Variants in AFF3 observed in about 807,000 individuals in gnomAD.
The protein encoded by AFF3 is AF4/FMR2 family member 3.
In AFF3, 32 loss-of-function variants were observed where a neutral mutation model predicts 129.7. The observed-to-expected ratio is 0.25, with a 90% CI of 0.19 to 0.33. The LOEUF (loss-of-function observed/expected upper bound fraction) is 0.33. Among genes scored for constraint, AFF3 ranks in the 10% least tolerant of loss-of-function variants. The pLI is 1.00. For synonymous variants in AFF3, 644 were observed against 635.4 expected, an observed-to-expected ratio of 1.01 and a Z score of -0.20; for missense variants, 1,373 against 1,592.0, an observed-to-expected ratio of 0.86 and a Z score of 2.34.
At chr2:99,839,648 G>A (rs1388048340) in intron 7 of AFF3, among the ~76,000 whole-genome samples, 2 of 145,118 alleles carry the variant, frequency 1.4e-5, no homozygotes, top group Non-Finnish European at 3.0e-5. Flanking sequence ...GCCTCGCTCT[G>A]TCACCCAGGC....
In AFF3 at chr2:100,056,059, T is replaced by TCACACACACACA. The variant is rs747714847; in HGVS notation, c.54-47128_54-47127insTGTGTGTGTGTG. Among the ~76,000 whole-genome samples the TCACACACACACA allele has an allele frequency of 7.8e-4, 90 of 114,660 alleles. 1 individual carries two copies. Among genetic ancestry groups the TCACACACACACA allele is most frequent in the African/African-American group, 3.0e-3 (66 of 21,702 alleles). 75.2% of individuals were successfully genotyped at this position (114,660 alleles called of 152,430 possible). On this transcript the variant is annotated intron_variant, in intron 4 of 24. Transcript: ENST00000672756. ...GAACAAAAAAAAAAATCGCTGTCTC[T>TCACACACACACA]CTCTCACACACACACACACACACAC...
intron 8 of AFF3, among the ~76,000 whole-genome samples, chr2:99,835,880 G>T (rs182539245): frequency 6.6e-6 from 1 of 152,322 alleles, no homozygotes; most frequent in African/African-American, 2.4e-5. Context: ...AGCACTGGCG[G>T]TGGGAGGGAG....
intron 13 of AFF3, among the ~76,000 whole-genome samples, chr2:99,631,232 C>T (rs937553394): frequency 1.3e-4 from 20 of 152,232 alleles, no homozygotes; most frequent in Non-Finnish European, 1.6e-4. Flanking sequence ...CTGGACTTCT[C>T]TCCACAGGTG....
intron 7 of AFF3, among the ~76,000 whole-genome samples, chr2:99,923,406 G>A (rs534277783): frequency 8.5e-5 from 13 of 152,134 alleles, no homozygotes; most frequent in East Asian, 1.9e-4. Context: ...CAAGTAGCTC[G>A]AAAGAAAAAG....
At chr2:99,778,637 T>G (rs1448150297) in intron 8 of AFF3, among the ~76,000 whole-genome samples, 1 of 151,888 alleles carries the variant, frequency 6.6e-6, no homozygotes. Flanking sequence ...TTTTTCTACT[T>G]TTTTAAGTTT....
Position 99,546,986 on chromosome 2 carries a change from A to G in AFF3, c.*4488T>C, listed in dbSNP as rs1191060062. On this transcript the variant is annotated 3_prime_UTR_variant, in exon 25 of 25. Coordinates refer to ENST00000672756, the MANE Select transcript of AFF3 (RefSeq NM_001386135.1). ...TGTGCGCGCGTGTGTGCGTATGTGT[A>G]TGTATCAGGAAATAGCAAAGACAAA... 3 of 220,854 alleles carry G rather than the reference A, an allele frequency of 1.4e-5. No homozygotes were observed. The highest frequency in any genetic ancestry group is 2.2e-5 in the African/African-American group (1 of 44,612). 13.7% of individuals were successfully genotyped at this position (220,854 alleles called of 1,614,324 possible).
intron 7 of AFF3, among the ~76,000 whole-genome samples, chr2:99,876,465 T>C (rs543808525): frequency 6.6e-6 from 1 of 152,250 alleles, no homozygotes; most frequent in Admixed American, 6.5e-5. Context: ...CTCCAAAAGA[T>C]ATCACACATC....
intron 4 of AFF3, among the ~76,000 whole-genome samples, chr2:100,075,645 T>C (rs1471234362): frequency 6.6e-6 from 1 of 152,222 alleles, no homozygotes; most frequent in Non-Finnish European, 1.5e-5. Context: ...GAAATAATTA[T>C]GGAAATTTCA....
intron 4 of AFF3, among the ~76,000 whole-genome samples, chr2:100,031,355 T>C (rs1684474944): frequency 6.6e-6 from 1 of 152,184 alleles, no homozygotes; most frequent in African/African-American, 2.4e-5. Flanking sequence ...ATGTGATAAA[T>C]GGATTAGAGC....
chr2:99,792,517 TCAAA>T (rs1159487742), intron 8 of AFF3, among the ~76,000 whole-genome samples: 2 of 151,568 alleles, frequency 1.3e-5, no homozygotes, highest in East Asian at 1.9e-4. Flanking sequence ...CAACAAAAAC[TCAAA>T]CAAAATGAAA....
intron 19 of AFF3, among the ~76,000 whole-genome samples, chr2:99,566,848 A>C (rs1174029271): frequency 6.6e-6 from 1 of 152,210 alleles, no homozygotes; most frequent in Non-Finnish European, 1.5e-5. Flanking sequence ...TACAAAAAAA[A>C]CTTCATTAGT....
At chr2:99,811,675 C>A (rs1215298154) in intron 8 of AFF3, among the ~76,000 whole-genome samples, 1 of 152,198 alleles carries the variant, frequency 6.6e-6, no homozygotes, top group Non-Finnish European at 1.5e-5. Context: ...TCCATTAATT[C>A]AGTCTTATCC....
intron 13 of AFF3, among the ~76,000 whole-genome samples, chr2:99,612,474 T>C (rs1315909265): frequency 6.6e-6 from 1 of 152,206 alleles, no homozygotes; most frequent in African/African-American, 2.4e-5. Context: ...CACAGCCTCG[T>C]GAGAAAAATG....
intron 2 of AFF3, among the ~76,000 whole-genome samples, chr2:100,124,285 C>A (rs893255786): frequency 6.6e-6 from 1 of 152,134 alleles, no homozygotes; most frequent in African/African-American, 2.4e-5. Context: ...GGACAAAATT[C>A]TTCAGACTTA....
intron 7 of AFF3, among the ~76,000 whole-genome samples, chr2:99,916,370 A>G (rs1381299360): frequency 6.6e-6 from 1 of 152,186 alleles, no homozygotes; most frequent in Non-Finnish European, 1.5e-5. Flanking sequence ...TTACAAAGTT[A>G]CGCATTTTTT....
chr2:99,849,359 A>T (rs1416749558), intron 7 of AFF3, among the ~76,000 whole-genome samples: 1 of 152,196 alleles, frequency 6.6e-6, no homozygotes, highest in Non-Finnish European at 1.5e-5. Context: ...CTAAGATAGG[A>T]TCCTCAAATT....
chr2:99,609,710 TAC>T (rs1450290097), intron 13 of AFF3, among the ~76,000 whole-genome samples: 1 of 152,216 alleles, frequency 6.6e-6, no homozygotes, highest in African/African-American at 2.4e-5. Flanking sequence ...AGAAAAATAG[TAC>T]AGAGATCGTT....
intron 7 of AFF3, among the ~76,000 whole-genome samples, chr2:99,875,563 C>G (rs1437425081): frequency 6.6e-6 from 1 of 152,198 alleles, no homozygotes; most frequent in Non-Finnish European, 1.5e-5. Flanking sequence ...CACTAGATAT[C>G]TGTTAGCTGA....
At chr2:99,770,258 C>T (rs1460962826) in intron 8 of AFF3, among the ~76,000 whole-genome samples, 1 of 152,182 alleles carries the variant, frequency 6.6e-6, no homozygotes, top group African/African-American at 2.4e-5. Flanking sequence ...ATCCCAAGGC[C>T]ACGACCACGA....
Sources: allele counts gnomAD v4.1 joint callset (sites outside exome capture counted in the v4.1 genomes callset), GRCh38; gene constraint gnomAD v4.1.1; transcripts MANE v1.5; gene names NCBI Gene and HGNC (gene_info 2026-07-23, HGNC 2026-07-21).